The following MAPT variants were observed in gnomAD, a reference collection of about 807,000 sequenced individuals.
MAPT encodes the protein microtubule associated protein tau.
Under a neutral mutation model 67.9 loss-of-function variants are expected in MAPT, and 34 were observed. That is an observed-to-expected ratio of 0.50 (90% CI 0.38 to 0.67). The LOEUF is 0.67. Among genes scored for constraint, MAPT ranks in the 30% least tolerant of loss-of-function variants. The pLI is 0.00. For missense variants in MAPT, 881 were observed against 1,115.2 expected, an observed-to-expected ratio of 0.79 and a Z score of 2.99; for synonymous variants, 456 against 464.5, an observed-to-expected ratio of 0.98 and a Z score of 0.23.
At chr17:45,974,867 C>T in intron 3 of MAPT, 1 of 258,372 alleles carries the variant, frequency 3.9e-6, no homozygotes, top group Admixed American at 4.9e-5. Flanking sequence ...GGGTGGACCC[C>T]AAGATCACCT....
chr17:45,935,026 C>A (rs773514795), intron 1 of MAPT, among the ~76,000 whole-genome samples: 2 of 152,126 alleles, frequency 1.3e-5, no homozygotes, highest in Non-Finnish European at 2.9e-5. Context: ...GATATCCAAG[C>A]CACTGGGAAG....
chr17:45,942,755 T>G (rs1016069075), intron 1 of MAPT, among the ~76,000 whole-genome samples: 3 of 152,242 alleles, frequency 2.0e-5, no homozygotes, highest in Non-Finnish European at 4.4e-5. Flanking sequence ...GTTTTAACGA[T>G]GGTAACCATA....
chr17:45,987,146 G>A (rs1028669207), intron 6 of MAPT, 51 bp downstream of exon 6: 8 of 1,543,930 alleles, frequency 5.2e-6, no homozygotes, highest in South Asian at 1.1e-5. Flanking sequence ...TTACAGAGAA[G>A]CTGTGCTTTA....
chr17:45,906,790 C>T lies in MAPT; in HGVS notation c.-18+12104C>T, dbSNP rs145139921. ...ACTGGAATTTGCCATCTTCCAGTCC[C>T]GAATGTGGCAAGCCATGGAGCCTTA... On this transcript the variant is annotated intron_variant, in intron 1 of 12. Transcript: ENST00000262410. This position sits in a 1 kb window ranked among gnomAD's most constrained non-coding sequence, Gnocchi z 4.3. Among the ~76,000 whole-genome samples the T allele has an allele frequency of 4.0e-3, 613 of 152,166 alleles. 7 individuals are homozygous for T. Among genetic ancestry groups the T allele is most frequent in the African/African-American group, 0.014 (595 of 41,472 alleles).
At chr17:45,900,467 C>T (rs1597820402) in intron 1 of MAPT, among the ~76,000 whole-genome samples, 1 of 152,192 alleles carries the variant, frequency 6.6e-6, no homozygotes, top group South Asian at 2.1e-4. Context: ...AATACAAACT[C>T]GAACAACTTC....
chr17:46,005,236 A>G (rs891384789), intron 9 of MAPT, among the ~76,000 whole-genome samples: 2 of 152,228 alleles, frequency 1.3e-5, no homozygotes, highest in Non-Finnish European at 2.9e-5. Flanking sequence ...AAGGAGAGTT[A>G]AATAACCCAT....
intron 1 of MAPT, among the ~76,000 whole-genome samples, chr17:45,910,210 C>T (rs529387608): frequency 5.3e-5 from 8 of 152,240 alleles, no homozygotes; most frequent in Non-Finnish European, 1.0e-4. Context: ...GGAGGTCCCC[C>T]CACTCCCCAA....
rs907816019 is a variant in MAPT, at chr17:45,991,481, A to G, written c.1627A>G (p.Ile543Val). The G allele has an allele frequency of 1.2e-6, 2 of 1,614,196 alleles. No individual in the cohort carries two copies. The highest frequency in any genetic ancestry group is 1.7e-6 in the Non-Finnish European group (2 of 1,180,038). ...KLKGADGKTKIATPRGAAPPG... is the reference protein window; with the variant it reads ...KLKGADGKTKVATPRGAAPPG... ...ACAGGGGGCTGATGGTAAAACGAAG[A>G]TCGCCACACCGCGGGGAGCAGCCCC... Residue 543 changes from isoleucine to valine, a missense_variant, in exon 8 of 13, where the codon ATC (isoleucine) becomes GTC (valine). Physicochemically the swap from Ile to Val is conservative, Grantham distance 29 (BLOSUM62 3). This residue lies in a region of MAPT where 687 missense variants were observed against 766.1 expected (regional missense o/e 0.90). Coordinates refer to ENST00000262410, the MANE Select transcript of MAPT (RefSeq NM_001377265.1).
At chr17:45,956,829 G>A (rs1444585293) in intron 1 of MAPT, among the ~76,000 whole-genome samples, 1 of 147,980 alleles carries the variant, frequency 6.8e-6, no homozygotes, top group South Asian at 2.1e-4. Flanking sequence ...TCCCACCTAC[G>A]AGTGAGAACA....
Position 45,902,365 on chromosome 17 carries a change from C to T in MAPT, c.-18+7679C>T, listed in dbSNP as rs150942438. Among the ~76,000 whole-genome samples the T allele has an allele frequency of 3.5e-4, 53 of 152,250 alleles. No homozygotes were observed. In the East Asian group the frequency reaches 6.6e-3, roughly 19 times the overall value. Reference sequence around the variant, plus strand: ...GATTACAGGTGTGAGCCACCGCGCCCGGCCAGCTTGCACCTTATTTAGGAT... The same window carrying T: ...GATTACAGGTGTGAGCCACCGCGCCTGGCCAGCTTGCACCTTATTTAGGAT... On this transcript the variant is annotated intron_variant, in intron 1 of 12. Coordinates refer to ENST00000262410, the MANE Select transcript of MAPT (RefSeq NM_001377265.1).
At chr17:45,945,827 A>G (rs577348350) in intron 1 of MAPT, among the ~76,000 whole-genome samples, 1 of 152,298 alleles carries the variant, frequency 6.6e-6, no homozygotes, top group South Asian at 2.1e-4. Flanking sequence ...AAAAAGAAAA[A>G]AAGACAAAGC....
At position 45,956,507 on chromosome 17, in the gene MAPT, G is replaced by T. The variant is rs191529830; in HGVS notation, c.-17-5814G>T. On this transcript the variant is annotated intron_variant, in intron 1 of 12. Transcript: ENST00000262410. Reference sequence around the variant, plus strand: ...AAACATAGAGACCAGAGCAAATGGGGCTCATCACGTGAAACTCATCTGGAA... The same window carrying T: ...AAACATAGAGACCAGAGCAAATGGGTCTCATCACGTGAAACTCATCTGGAA... 5.6e-4 allele frequency among the ~76,000 whole-genome samples: 84 copies of T among 149,048 alleles called. No homozygotes were observed. The East Asian group carries it at 0.013, about 22-fold the overall frequency.
chr17:46,022,067 G>A (rs1172982349), intron 12 of MAPT, among the ~76,000 whole-genome samples: 3 of 152,130 alleles, frequency 2.0e-5, no homozygotes, highest in Non-Finnish European at 4.4e-5. Context: ...AGAAAATACA[G>A]TAACAGGTCA....
intron 10 of MAPT, among the ~76,000 whole-genome samples, chr17:46,012,316 G>A (rs2075869739): frequency 6.6e-6 from 1 of 152,058 alleles, no homozygotes; most frequent in African/African-American, 2.4e-5. Flanking sequence ...CGTGTGTCCC[G>A]CGCTGTGTTC....
chr17:46,013,957 T>G (rs1200533688), intron 10 of MAPT, among the ~76,000 whole-genome samples: 1 of 152,194 alleles, frequency 6.6e-6, no homozygotes, highest in Non-Finnish European at 1.5e-5. Flanking sequence ...TCCCTGTTTT[T>G]CCCAGAGGCT....
rs139609714 is a variant in MAPT at position 46,025,560 on chromosome 17, A to T, written c.*1389A>T. 6.5e-6 allele frequency: 1 copy of T among 152,804 alleles called. No homozygotes were observed. The highest frequency in any genetic ancestry group is 1.5e-5 in the Non-Finnish European group (1 of 68,076). 9.5% of individuals were successfully genotyped at this position (152,804 alleles called of 1,614,324 possible). ...TCATCCAACTGGGACCCTCACCACG[A>T]ATCTCATGATCTGATTCGGTTCCCT... On this transcript the variant is annotated 3_prime_UTR_variant, in exon 13 of 13. Coordinates refer to ENST00000262410, the MANE Select transcript of MAPT (RefSeq NM_001377265.1).
At chr17:46,002,410 G>A (rs765039530) in intron 9 of MAPT, among the ~76,000 whole-genome samples, 9 of 152,220 alleles carry the variant, frequency 5.9e-5, no homozygotes, top group African/African-American at 1.2e-4. Flanking sequence ...AGTTGCTCAT[G>A]TGGGGCCCAG....
chr17:46,024,544 A>T lies in MAPT; in HGVS notation c.*373A>T. 5.5e-6 allele frequency: 2 copies of T among 365,264 alleles called. No homozygotes were observed. Among genetic ancestry groups the T allele is most frequent in the Non-Finnish European group, 5.2e-6 (1 of 191,490 alleles). The allele number at this position is 365,264 out of a possible 1,614,324, so 22.6% of individuals were successfully genotyped here. On this transcript the variant is annotated 3_prime_UTR_variant, in exon 13 of 13. Coordinates refer to ENST00000262410, the MANE Select transcript of MAPT (RefSeq NM_001377265.1). ...TGAAAGCTGCTTCTGGGGGATTTCA[A>T]GGGACTGGGGGTGCCAACCACCTCT...
rs559940225 is a variant in MAPT at position 45,933,397 on chromosome 17, C to G, written c.-17-28924C>G. On this transcript the variant is annotated intron_variant, in intron 1 of 12. Transcript: ENST00000262410. ...GTAGCTGGGATTACAGGGCACCACA[C>G]CAGGCTAAGTTTTTGTATTTTTAGT... 1.2e-3 allele frequency among the ~76,000 whole-genome samples: 188 copies of G among 152,096 alleles called. 1 individual carries two copies. Among genetic ancestry groups the G allele is most frequent in the African/African-American group, 4.5e-3 (185 of 41,518 alleles).
Sources: gnomAD v4.1 joint callset for allele counts (sites outside exome capture counted in the v4.1 genomes callset) on GRCh38, gnomAD v4.1.1 for gene constraint, gnomAD v4.1.1 regional missense constraint, Gnocchi (gnomAD v3.1) non-coding constraint, MANE v1.5 for transcripts, NCBI Gene and HGNC (gene_info 2026-07-23, HGNC 2026-07-21) for gene names.